The following PCDHA7 variants were observed in gnomAD, a reference collection of about 807,000 sequenced individuals.
PCDHA7 encodes the protein protocadherin alpha 7.
PCDHA7 carries 37 observed loss-of-function variants against 57.2 expected under a neutral mutation model. That is an observed-to-expected ratio of 0.65 (90% confidence interval 0.50 to 0.85). The LOEUF (loss-of-function observed/expected upper bound fraction) is 0.85. PCDHA7 is among the 40% of genes least tolerant of loss of function. The pLI is 0.00. For synonymous variants in PCDHA7, 553 were observed against 558.8 expected (o/e 0.99, Z 0.15); for missense variants, 1,188 against 1,241.8 (o/e 0.96, Z 0.65).
intron 1 of PCDHA7, among the ~76,000 whole-genome samples, chr5:140,936,341 A>G (rs954946684): frequency 7.2e-5 from 11 of 152,172 alleles, no homozygotes; most frequent in African/African-American, 2.7e-4. Flanking sequence ...CTCTATCTGC[A>G]TATATGGAAT....
chr5:140,857,695 G>T (rs2044799008), intron 1 of PCDHA7: 1 of 1,597,116 alleles, frequency 6.3e-7, no homozygotes, highest in South Asian at 1.1e-5. Context: ...GCAACTTGAC[G>T]CTGCAGGTGT....
At chr5:140,857,991 T>A (rs1554150990) in intron 1 of PCDHA7, 1 of 1,596,560 alleles carries the variant, frequency 6.3e-7, no homozygotes. Context: ...CGCCTACTGG[T>A]GCTGGTGAAG....
chr5:140,995,233 G>A (rs1359304274), intron 3 of PCDHA7, among the ~76,000 whole-genome samples: 1 of 152,128 alleles, frequency 6.6e-6, no homozygotes, highest in Non-Finnish European at 1.5e-5. Flanking sequence ...TTTGGGGCCA[G>A]TATTAAGTAA....
At chr5:140,966,314 G>C (rs1255868901) in intron 1 of PCDHA7, 2 of 388,054 alleles carry the variant, frequency 5.2e-6, no homozygotes, top group Middle Eastern at 6.5e-4. Flanking sequence ...GTGTTCCTGC[G>C]GTCCGCTGGG....
intron 1 of PCDHA7, among the ~76,000 whole-genome samples, chr5:140,907,242 T>A (rs532344223): frequency 6.6e-6 from 1 of 152,328 alleles, no homozygotes; most frequent in African/African-American, 2.4e-5. Flanking sequence ...TAGTTGACAT[T>A]GTAATTGTGA....
intron 1 of PCDHA7, among the ~76,000 whole-genome samples, chr5:140,885,615 AAT>A (rs1411025177): frequency 6.6e-6 from 1 of 152,162 alleles, no homozygotes; most frequent in African/African-American, 2.4e-5. Context: ...TTAATTATAA[AAT>A]ATGTCACTGG....
chr5:140,867,686 C>CT, intron 1 of PCDHA7: 1 of 152,084 alleles, frequency 6.6e-6, no homozygotes, highest in Middle Eastern at 3.4e-3. Flanking sequence ...GTTGCATCTT[C>CT]TTTTTTTCCT....
At chr5:140,972,306 GT>G (rs2096530781) in intron 1 of PCDHA7, among the ~76,000 whole-genome samples, 1 of 150,488 alleles carries the variant, frequency 6.6e-6, no homozygotes, top group South Asian at 2.1e-4. Flanking sequence ...TGTCTGACTA[GT>G]TTTTAGGTGT....
rs781938191 is a variant in PCDHA7 at position 140,871,499 on chromosome 5, GT to G, written c.2355+34765del. 14 of 1,584,318 alleles carry G rather than the reference GT, an allele frequency of 8.8e-6. No individual in the cohort carries two copies. In the East Asian group the frequency reaches 2.7e-4, roughly 31 times the overall value. On this transcript the variant is annotated intron_variant, in intron 1 of 3. Coordinates refer to ENST00000525929, the MANE Select transcript of PCDHA7 (RefSeq NM_018910.3). ...GGGTCAAATCACCCCGGACAGGTGAGTTTTCTACAGATTCCACCTATCAGGA... is the reference window on the plus strand; with the variant it reads ...GGGTCAAATCACCCCGGACAGGTGAGTTTCTACAGATTCCACCTATCAGGA...
intron 3 of PCDHA7, among the ~76,000 whole-genome samples, chr5:140,994,381 C>T (rs1339661887): frequency 6.6e-6 from 1 of 152,086 alleles, no homozygotes; most frequent in East Asian, 1.9e-4. Context: ...ATTCAGGGGA[C>T]TAAGTCAGAG....
In PCDHA7 at chr5:140,842,941, G is replaced by T. The variant is rs1388720747; in HGVS notation, c.2355+6203G>T. 6 of 1,594,648 alleles carry T rather than the reference G, an allele frequency of 3.8e-6. No homozygotes were observed. The East Asian group carries it at 8.9e-5, about 24-fold the overall frequency. ...AGTTCCAGGTGAGCGCGCGCGACGC[G>T]GGCGTGCCGCCTCTGGGCAGCAACG... On this transcript the variant is annotated intron_variant, in intron 1 of 3. Coordinates refer to ENST00000525929, the MANE Select transcript of PCDHA7 (RefSeq NM_018910.3).
At chr5:140,969,963 AT>A (rs2096372822) in intron 1 of PCDHA7, among the ~76,000 whole-genome samples, 1 of 152,204 alleles carries the variant, frequency 6.6e-6, no homozygotes. Context: ...CTTTGGCTGT[AT>A]GATGTGGCAA....
chr5:140,875,151 A>G (rs1219163731), intron 1 of PCDHA7, among the ~76,000 whole-genome samples: 1 of 152,220 alleles, frequency 6.6e-6, no homozygotes, highest in Non-Finnish European at 1.5e-5. Flanking sequence ...ATGATCCGTG[A>G]AAAATAACCC....
intron 1 of PCDHA7, among the ~76,000 whole-genome samples, chr5:140,910,845 G>C (rs1448971238): frequency 6.6e-6 from 1 of 152,090 alleles, no homozygotes; most frequent in Non-Finnish European, 1.5e-5. Context: ...CAATGCCTTG[G>C]ATCTATGTTC....
chr5:141,006,383 T>C (rs1431976303), intron 3 of PCDHA7, among the ~76,000 whole-genome samples: 1 of 151,992 alleles, frequency 6.6e-6, no homozygotes, highest in African/African-American at 2.4e-5. Context: ...GGCTAAGTTT[T>C]TTCTATTTTT....
intron 1 of PCDHA7, chr5:140,863,358 G>A (rs1432906108): frequency 8.0e-7 from 1 of 1,243,310 alleles, no homozygotes; most frequent in Non-Finnish European, 1.1e-6. Context: ...CGACGCTGCG[G>A]TGCTTGGCGC....
Position 140,883,205 on chromosome 5 carries a change from A to G in PCDHA7, c.2355+46467A>G, listed in dbSNP as rs1402031440. 5 of 1,613,918 alleles carry G rather than the reference A, an allele frequency of 3.1e-6. No individual in the cohort carries two copies. In the African/African-American group the frequency reaches 6.7e-5, roughly 22 times the overall value. On this transcript the variant is annotated intron_variant, in intron 1 of 3. Transcript: ENST00000525929. Reference sequence around the variant, plus strand: ...AAAAGGCAAACTAGATTTCGAAGAAAAGAAATTATATGAAATATCCGTGGA... The same window carrying G: ...AAAAGGCAAACTAGATTTCGAAGAAGAGAAATTATATGAAATATCCGTGGA...
intron 1 of PCDHA7, chr5:140,862,685 C>A (rs782248340): frequency 7.2e-6 from 4 of 552,774 alleles, no homozygotes; most frequent in Non-Finnish European, 1.4e-5. Context: ...GTGCTGGTGT[C>A]CTACTCGTTG....
chr5:140,869,654 C>T, intron 1 of PCDHA7: 1 of 1,613,446 alleles, frequency 6.2e-7, no homozygotes, highest in Non-Finnish European at 8.5e-7. Flanking sequence ...GATTCACCAA[C>T]AAATGGTAAG....
Sources: gnomAD v4.1 joint callset for allele counts (sites outside exome capture counted in the v4.1 genomes callset) on GRCh38, gnomAD v4.1.1 for gene constraint, MANE v1.5 for transcripts, NCBI Gene and HGNC (gene_info 2026-07-23, HGNC 2026-07-21) for gene names.